NTM: variants seen among roughly 807,000 people sequenced by gnomAD.
NTM encodes neurotrimin.
A neutral mutation model predicts 42.1 loss-of-function variants in NTM; 13 were observed. That is an observed-to-expected ratio of 0.31 (90% CI 0.20 to 0.49). The LOEUF is 0.49. Ranked by LOEUF, NTM falls within the 20% of genes least tolerant of loss-of-function variation. The probability of loss-of-function intolerance (pLI) is 0.99; values close to 1 mark genes in which losing one functional copy is unlikely to be tolerated. For missense variants in NTM, 373 were observed against 452.8 expected, an observed-to-expected ratio of 0.82 and a Z score of 1.60; for synonymous variants, 187 against 179.2, an observed-to-expected ratio of 1.04 and a Z score of -0.35.
At chr11:131,844,846 T>A (rs1232247203) in intron 1 of NTM, among the ~76,000 whole-genome samples, 6 of 152,206 alleles carry the variant, frequency 3.9e-5, no homozygotes, top group African/African-American at 1.4e-4. Context: ...CACATATTAA[T>A]TCTAATTAAT....
At chr11:131,730,315 C>T (rs11222753) in intron 1 of NTM, among the ~76,000 whole-genome samples, 35,361 of 152,018 alleles carry the variant, frequency 0.23, 4,899 homozygotes, top group African/African-American at 0.38. Context: ...ATATATGCCA[C>T]ATAAAGACAT....
intron 2 of NTM, among the ~76,000 whole-genome samples, chr11:132,007,336 G>C (rs565722244): frequency 6.6e-6 from 1 of 152,258 alleles, no homozygotes; most frequent in South Asian, 2.1e-4. Flanking sequence ...ATTCATCCCA[G>C]GATCACTTAA....
intron 1 of NTM, among the ~76,000 whole-genome samples, chr11:131,430,267 T>C (rs539722246): frequency 1.3e-5 from 2 of 152,332 alleles, no homozygotes; most frequent in African/African-American, 4.8e-5. Context: ...TAGGTAGTTC[T>C]TTGAGAAAAG....
intron 2 of NTM, among the ~76,000 whole-genome samples, chr11:132,026,540 G>GT (rs1011191410): frequency 6.6e-5 from 10 of 152,194 alleles, no homozygotes; most frequent in Admixed American, 1.3e-4. Context: ...CCTTCTACTG[G>GT]TTTTTTATCT....
chr11:131,917,019 C>G (rs1193502934), intron 2 of NTM, among the ~76,000 whole-genome samples: 1 of 152,228 alleles, frequency 6.6e-6, no homozygotes, highest in Non-Finnish European at 1.5e-5. Flanking sequence ...ACCACTACCA[C>G]CAGTCTTACT....
chr11:131,991,033 G>A (rs1340775406), intron 2 of NTM, among the ~76,000 whole-genome samples: 1 of 152,024 alleles, frequency 6.6e-6, no homozygotes, highest in Non-Finnish European at 1.5e-5. Context: ...CAATAAATGG[G>A]CTCAACGACT....
chr11:131,591,080 A>C (rs11222708), intron 1 of NTM, among the ~76,000 whole-genome samples: 17,289 of 152,228 alleles, frequency 0.11, 1,250 homozygotes, highest in South Asian at 0.25. Flanking sequence ...ATTCTGGGAG[A>C]GTCAGCAGCA....
chr11:132,097,214 A>G (rs1358196087), intron 2 of NTM, among the ~76,000 whole-genome samples: 3 of 152,194 alleles, frequency 2.0e-5, no homozygotes, highest in African/African-American at 7.2e-5. Context: ...CTCTAGAGAG[A>G]GCACGCAAGT....
At chr11:132,178,055 A>G (rs980987255) in intron 3 of NTM, among the ~76,000 whole-genome samples, 1 of 152,238 alleles carries the variant, frequency 6.6e-6, no homozygotes, top group Non-Finnish European at 1.5e-5. Flanking sequence ...ATGAAATTGG[A>G]TTATAAAATA....
intron 4 of NTM, among the ~76,000 whole-genome samples, chr11:132,297,078 T>A (rs947350024): frequency 1.3e-5 from 2 of 152,230 alleles, no homozygotes; most frequent in African/African-American, 4.8e-5. Flanking sequence ...TCTGTAGAAT[T>A]GTGCTGTGGT....
chr11:131,789,124 A>C (rs965196664), intron 1 of NTM, among the ~76,000 whole-genome samples: 16 of 152,000 alleles, frequency 1.1e-4, no homozygotes, highest in Non-Finnish European at 2.1e-4. Flanking sequence ...CTAGTATTGC[A>C]GTCCTTTTCT....
intron 1 of NTM, among the ~76,000 whole-genome samples, chr11:131,858,021 T>TCTCTTC (rs1174999349): frequency 4.6e-5 from 7 of 151,604 alleles, no homozygotes; most frequent in African/African-American, 1.7e-4. Flanking sequence ...GCCTACTCCA[T>TCTCTTC]CTCTTCCAGC....
intron 1 of NTM, among the ~76,000 whole-genome samples, chr11:131,494,172 A>G (rs1955089924): frequency 6.6e-6 from 1 of 152,102 alleles, no homozygotes; most frequent in African/African-American, 2.4e-5. Context: ...AATTGTTACT[A>G]TTGTTATTAT....
At chr11:131,796,214 GAA>G in intron 1 of NTM, 1 of 970,044 alleles carries the variant, frequency 1.0e-6, no homozygotes, top group Non-Finnish European at 1.2e-6. Flanking sequence ...TCAGAAACTA[GAA>G]CCTGTACCTG....
At chr11:132,310,418 T>A (rs1441161744) in intron 6 of NTM, among the ~76,000 whole-genome samples, 186 bp downstream of exon 6, 1 of 152,184 alleles carries the variant, frequency 6.6e-6, no homozygotes, top group Non-Finnish European at 1.5e-5. Context: ...GTTTTTAATG[T>A]CACCATGTAG....
intron 2 of NTM, among the ~76,000 whole-genome samples, chr11:132,029,472 A>G (rs187704685): frequency 2.1e-3 from 311 of 151,608 alleles, no homozygotes; most frequent in African/African-American, 7.1e-3. Flanking sequence ...TAGTTTGCTG[A>G]GAATGATGGT....
chr11:131,841,545 T>A (rs1295142265), intron 1 of NTM, among the ~76,000 whole-genome samples: 5 of 151,790 alleles, frequency 3.3e-5, no homozygotes, highest in Non-Finnish European at 7.4e-5. Context: ...TAAGTCACAT[T>A]TTTTTTTAAC....
intron 1 of NTM, among the ~76,000 whole-genome samples, chr11:131,863,028 G>A (rs1368386244): frequency 6.6e-6 from 1 of 152,212 alleles, no homozygotes; most frequent in Non-Finnish European, 1.5e-5. Flanking sequence ...ACATTCTTCA[G>A]CCAGGGTCTC....
chr11:131,378,013 T>C (rs1339570156), intron 1 of NTM, among the ~76,000 whole-genome samples: 1 of 152,244 alleles, frequency 6.6e-6, no homozygotes, highest in African/African-American at 2.4e-5. Context: ...TGCATTTATT[T>C]GCAATACTCT....
Sources: gnomAD v4.1 joint callset for allele counts (sites outside exome capture counted in the v4.1 genomes callset) on GRCh38, gnomAD v4.1.1 for gene constraint, MANE v1.5 for transcripts, NCBI Gene and HGNC (gene_info 2026-07-23, HGNC 2026-07-21) for gene names.